The following HMCN1 variants were observed in gnomAD, a reference collection of about 807,000 sequenced individuals.
HMCN1 encodes the protein hemicentin-1.
A neutral mutation model predicts 625.9 loss-of-function variants in HMCN1; 321 were observed. That is an observed-to-expected ratio of 0.51 (90% CI 0.47 to 0.56). The LOEUF is 0.56. Ranked by LOEUF, HMCN1 falls within the 20% of genes least tolerant of loss-of-function variation. HMCN1 has a pLI of 0.00. For missense variants in HMCN1, 6,588 were observed against 6,887.3 expected, an observed-to-expected ratio of 0.96 and a Z score of 1.54; for synonymous variants, 2,425 against 2,417.6, an observed-to-expected ratio of 1.00 and a Z score of -0.09.
intron 1 of HMCN1, among the ~76,000 whole-genome samples, chr1:185,781,095 G>C (rs933334608): frequency 6.6e-6 from 1 of 152,170 alleles, no homozygotes; most frequent in African/African-American, 2.4e-5. Context: ...ATGTGTCCAG[G>C]AATGTATCCA....
chr1:186,166,329 T>G (rs577467799), intron 99 of HMCN1, 26 bp downstream of exon 99: 11 of 1,613,838 alleles, frequency 6.8e-6, no homozygotes, highest in Admixed American at 5.0e-5. Flanking sequence ...ATACACACAT[T>G]TAAGCAATGG....
intron 69 of HMCN1, among the ~76,000 whole-genome samples, chr1:186,105,020 T>C (rs1392354452): frequency 6.6e-6 from 1 of 152,076 alleles, no homozygotes; most frequent in Non-Finnish European, 1.5e-5. Context: ...TTACTGTAGG[T>C]CTTAAAGGCA....
At chr1:185,789,578 A>G (rs566683488) in intron 1 of HMCN1, among the ~76,000 whole-genome samples, 1 of 152,340 alleles carries the variant, frequency 6.6e-6, no homozygotes, top group East Asian at 1.9e-4. Context: ...AATTTTATCT[A>G]AATTATGCCA....
intron 4 of HMCN1, among the ~76,000 whole-genome samples, chr1:185,877,146 A>G (rs1456586765): frequency 6.6e-6 from 1 of 151,294 alleles, no homozygotes; most frequent in Admixed American, 6.6e-5. Flanking sequence ...CAATTTTCCC[A>G]GGACTATTAC....
rs374319005 is a variant in HMCN1, at chr1:185,977,834, G to A, written c.2419G>A (p.Gly807Ser). 8.1e-6 allele frequency: 13 copies of A among 1,613,102 alleles called. No individual in the cohort carries two copies. In the African/African-American group the frequency reaches 1.3e-4, roughly 17 times the overall value. ...QEPADVSMEIGSNVTLPCYVQ... is the reference protein window; with the variant it reads ...QEPADVSMEISSNVTLPCYVQ... The stretch of plus-strand genomic sequence containing the variant: ...ACCTGCTGATGTGTCTATGGAAATT[G>A]GCTCAAATGTGACATTACCTTGTTA... Residue 807 changes from glycine (G) to serine (S), a missense_variant, in exon 16 of 107, where the codon GGC becomes AGC. This residue lies in a region of HMCN1 where 4,628 missense variants were observed against 4,853.1 expected (regional missense o/e 0.95). Transcript: ENST00000271588.
chr1:186,144,816 A>C (rs1650212114), intron 91 of HMCN1, 113 bp downstream of exon 91: 1 of 1,236,472 alleles, frequency 8.1e-7, no homozygotes, highest in African/African-American at 1.5e-5. Flanking sequence ...TTGGTTTAGG[A>C]TGTCAGAATG....
At chr1:185,837,683 A>C (rs890462126) in intron 1 of HMCN1, among the ~76,000 whole-genome samples, 4 of 152,080 alleles carry the variant, frequency 2.6e-5, no homozygotes, top group African/African-American at 9.7e-5. Context: ...AAGAAAAAAA[A>C]CTCTTAGATT....
intron 1 of HMCN1, among the ~76,000 whole-genome samples, chr1:185,844,159 T>C (rs1202434365): frequency 6.6e-6 from 1 of 152,236 alleles, no homozygotes; most frequent in Non-Finnish European, 1.5e-5. Flanking sequence ...CCTGGCATAT[T>C]CTTTGCTGTT....
intron 1 of HMCN1, among the ~76,000 whole-genome samples, chr1:185,788,334 A>C (rs1657764761): frequency 6.6e-6 from 1 of 152,222 alleles, no homozygotes; most frequent in African/African-American, 2.4e-5. Context: ...CCTTCTTACA[A>C]AGAAAACAAG....
At chr1:186,137,047 AGAT>A (rs1164053011) in intron 87 of HMCN1, 110 bp downstream of exon 87, 1 of 1,294,356 alleles carries the variant, frequency 7.7e-7, no homozygotes, top group Non-Finnish European at 1.1e-6. Context: ...ACATACTTTT[AGAT>A]GATGGGGAGA....
At chr1:185,886,818 A>G (rs185588918) in intron 4 of HMCN1, among the ~76,000 whole-genome samples, 81 of 152,232 alleles carry the variant, frequency 5.3e-4, no homozygotes, top group Non-Finnish European at 8.8e-4. Context: ...TATCACTTTC[A>G]TCACGCCCTG....
rs1221316619 is a variant in HMCN1, at chr1:185,734,732, C to A, written c.-48C>A. The A allele has an allele frequency of 1.9e-6, 3 of 1,595,174 alleles. No individual in the cohort carries two copies. In the South Asian group the frequency reaches 3.3e-5, roughly 18 times the overall value. On this transcript the variant is annotated 5_prime_UTR_variant, in exon 1 of 107. Transcript: ENST00000271588. ...CTGCCTGTTGTTGAGGAGGACTGAG[C>A]ACAGTGCTTAGGCGCTGAGGGGGAA...
intron 97 of HMCN1, among the ~76,000 whole-genome samples, chr1:186,162,572 G>A (rs1337615180): frequency 1.3e-5 from 2 of 152,176 alleles, no homozygotes; most frequent in Non-Finnish European, 2.9e-5. Context: ...TGATGATGGT[G>A]ATGTACAGAT....
rs765068980 is a variant in HMCN1, at chr1:185,993,213, A to G, written c.3409A>G (p.Ile1137Val). Residue 1137 changes from isoleucine to valine, a missense_variant, in exon 23 of 107, where the codon ATC (isoleucine) becomes GTC (valine). Physicochemically the swap from Ile to Val is conservative, Grantham distance 29. Coordinates refer to ENST00000271588, the MANE Select transcript of HMCN1 (RefSeq NM_031935.3). ...HTFLPSGSMK[I>V]TETRTSDSGM... ...ATTCCTCCCTTCTGGTTCAATGAAG[A>G]TCACTGAAACCCGCACTTCAGATAG... is the stretch of plus-strand genomic sequence containing the variant. The G allele has an allele frequency of 6.2e-7, 1 of 1,612,274 alleles. No individual in the cohort carries two copies. The highest frequency in any genetic ancestry group is 1.1e-5 in the South Asian group (1 of 91,058).
At chr1:185,857,798 C>A (rs1263507274) in intron 2 of HMCN1, among the ~76,000 whole-genome samples, 2 of 152,088 alleles carry the variant, frequency 1.3e-5, no homozygotes, top group Non-Finnish European at 2.9e-5. Flanking sequence ...ATTCATCAAA[C>A]AACAATGGAA....
intron 11 of HMCN1, among the ~76,000 whole-genome samples, chr1:185,953,440 G>A (rs1010815924): frequency 5.3e-5 from 8 of 151,812 alleles, no homozygotes; most frequent in Admixed American, 2.6e-4. Flanking sequence ...GACCGGCACC[G>A]GAGTTTTGGG....
intron 1 of HMCN1, among the ~76,000 whole-genome samples, chr1:185,826,123 T>C (rs986976882): frequency 3.3e-5 from 5 of 152,172 alleles, no homozygotes; most frequent in Non-Finnish European, 7.4e-5. Flanking sequence ...TTATGTGTTT[T>C]ACAGTGCCAG....
intron 40 of HMCN1, among the ~76,000 whole-genome samples, chr1:186,045,048 C>T (rs899195615): frequency 2.6e-5 from 4 of 152,050 alleles, no homozygotes; most frequent in East Asian, 1.9e-4. Context: ...ATTGTGAGTA[C>T]GTTGTACAGC....
At position 186,144,323 on chromosome 1, in the gene HMCN1, G is replaced by A; in HGVS notation, c.14075G>A (p.Cys4692Tyr). 6.2e-7 allele frequency: 1 copy of A among 1,613,666 alleles called. No homozygotes were observed. Among genetic ancestry groups the A allele is most frequent in the Non-Finnish European group, 8.5e-7 (1 of 1,179,962 alleles). ...CDGAETQMQV[C>Y]NERNCPIHGK... ...GGAGCAGAAACACAGATGCAAGTTT[G>A]CAATGAAAGAAATTGTCCAAGTAAG... is the stretch of plus-strand genomic sequence containing the variant. Residue 4692 changes from cysteine to tyrosine, a missense_variant, in exon 90 of 107, where the codon TGC becomes TAC. Physicochemically the swap from Cys to Tyr is radical, Grantham distance 194. This residue lies in a region of HMCN1 where 1,954 missense variants were observed against 2,013.1 expected (regional missense o/e 0.97). Transcript: ENST00000271588.
Sources: allele counts gnomAD v4.1 joint callset (sites outside exome capture counted in the v4.1 genomes callset), GRCh38; gene constraint gnomAD v4.1.1; regional missense constraint gnomAD v4.1.1; transcripts MANE v1.5; gene names NCBI Gene and HGNC (gene_info 2026-07-23, HGNC 2026-07-21).